Variants in TBC1D8 observed in about 807,000 individuals in gnomAD.
TBC1D8 encodes BUB2-like protein 1.
In TBC1D8, 65 loss-of-function variants were observed where a neutral mutation model predicts 118.8. The observed-to-expected ratio is 0.55, with a 90% CI of 0.45 to 0.67. TBC1D8 has a LOEUF of 0.67. TBC1D8 is among the 30% of genes least tolerant of loss of function. The probability of loss-of-function intolerance (pLI) is 0.00; values close to 1 mark genes in which losing one functional copy is unlikely to be tolerated. For missense variants in TBC1D8, 1,376 were observed against 1,471.2 expected (o/e 0.94, Z 1.06); for synonymous variants, 566 against 595.8 (o/e 0.95, Z 0.73).
intron 1 of TBC1D8, among the ~76,000 whole-genome samples, chr2:101,136,926 G>A (rs935584412): frequency 2.0e-5 from 3 of 152,108 alleles, no homozygotes; most frequent in African/African-American, 7.2e-5. Flanking sequence ...ATCTGAGGCT[G>A]CGCAATGCTC....
At chr2:101,065,046 G>T (rs947555073) in intron 2 of TBC1D8, among the ~76,000 whole-genome samples, 1 of 152,074 alleles carries the variant, frequency 6.6e-6, no homozygotes, top group Non-Finnish European at 1.5e-5. Context: ...TATTCTCTTA[G>T]GTTTTTCCCA....
intron 2 of TBC1D8, among the ~76,000 whole-genome samples, chr2:101,082,320 G>A (rs6543017): frequency 0.89 from 134,986 of 152,082 alleles, 60,146 homozygotes; most frequent in African/African-American, 0.95. Flanking sequence ...CATCAGATAC[G>A]TAGAAATGGC....
chr2:101,117,568 CTTTT>C (rs201852112), intron 1 of TBC1D8, among the ~76,000 whole-genome samples: 1 of 119,690 alleles, frequency 8.4e-6, no homozygotes, highest in Non-Finnish European at 1.7e-5. Context: ...GGAGGCAGAA[CTTTT>C]TTTTTTTTTT....
chr2:101,138,437 T>C (rs1381554331), intron 1 of TBC1D8, among the ~76,000 whole-genome samples: 2 of 152,166 alleles, frequency 1.3e-5, no homozygotes, highest in African/African-American at 2.4e-5. Context: ...TGACACTAAC[T>C]ACCTGGAATT....
chr2:101,095,524 T>C (rs1236271395), intron 1 of TBC1D8, among the ~76,000 whole-genome samples: 1 of 151,470 alleles, frequency 6.6e-6, no homozygotes, highest in Non-Finnish European at 1.5e-5. Context: ...GTCCTTGCGA[T>C]AGTTTGCTGA....
At position 101,021,838 on chromosome 2, in the gene TBC1D8, GTCA is replaced by G. The variant is rs1460641206; in HGVS notation, c.2762-95_2762-93del. On this transcript the variant is annotated intron_variant, in intron 16 of 19. Coordinates refer to ENST00000409318, the MANE Select transcript of TBC1D8 (RefSeq NM_001330348.2). ...CACTGTGGAGAGAACACTGGGGAAG[GTCA>G]ATACCTGCCACCCCCAACTCTCCTG... 5.0e-6 allele frequency: 4 copies of G among 799,738 alleles called. No individual in the cohort carries two copies. The East Asian group carries it at 1.1e-4, about 21-fold the overall frequency. 49.5% of individuals were successfully genotyped at this position (799,738 alleles called of 1,614,324 possible). A position where few individuals can be genotyped will look rare whatever the true frequency, so the allele number is the denominator to read the frequency against.
rs1431412772 is a variant in TBC1D8, at chr2:101,032,263, T to C, written c.1936+5A>G. The stretch of plus-strand genomic sequence containing the variant: ...TACACAGGAGGAGGAAGGGGGTCTG[T>C]TTACCGATCACTCGGTGGTTGAAGT... On this transcript the variant is annotated splice_donor_5th_base_variant and intron_variant, in intron 11 of 19. Coordinates refer to ENST00000409318, the MANE Select transcript of TBC1D8 (RefSeq NM_001330348.2). 1 of 1,612,678 alleles carries C rather than the reference T, an allele frequency of 6.2e-7. No individual in the cohort carries two copies. The highest frequency in any genetic ancestry group is 1.7e-5 in the Admixed American group (1 of 59,986).
At chr2:101,052,395 G>A (rs2278729) in intron 4 of TBC1D8, among the ~76,000 whole-genome samples, 37,434 of 152,056 alleles carry the variant, frequency 0.25, 5,569 homozygotes, top group Middle Eastern at 0.34. Context: ...ACATCTGGCG[G>A]CTTGCTGTCA....
Position 101,059,436 on chromosome 2 carries a change from G to A in TBC1D8, c.387C>T (p.Val129=), listed in dbSNP as rs1682633006. Residue 129 remains valine, a synonymous_variant, in exon 3 of 20, where the codon GTC becomes GTT. Transcript: ENST00000409318. ...GGGGACCTACCTTTACCTTCCCTTT[G>A]ACAAAACTGGCAATGTCATCTTTAT... The part of the protein sequence containing the change: ...FDNKDDIASF[V]KGKVKALIAE... The A allele has an allele frequency of 1.9e-6, 3 of 1,613,472 alleles. No homozygotes were observed. The African/African-American group carries it at 4.0e-5, about 22-fold the overall frequency.
intron 1 of TBC1D8, among the ~76,000 whole-genome samples, chr2:101,117,911 T>C (rs1296431397): frequency 7.7e-6 from 1 of 129,210 alleles, no homozygotes; most frequent in Non-Finnish European, 1.6e-5. Context: ...TTAAAAAGAG[T>C]GACCTCCTTC....
chr2:101,040,157 CAG>C lies in TBC1D8; in HGVS notation c.1080+19_1080+20del, dbSNP rs1267133160. The C allele has an allele frequency of 6.2e-6, 10 of 1,607,742 alleles. No homozygotes were observed. On this transcript the variant is annotated intron_variant, in intron 6 of 19. Transcript: ENST00000409318. ...AACAACAAAAGGCTGCTTCGGGAAGCAGACAGTAGGGCCAGTCTACCTCTCTG... is the reference window on the plus strand; with the variant it reads ...AACAACAAAAGGCTGCTTCGGGAAGCACAGTAGGGCCAGTCTACCTCTCTG...
At chr2:101,049,971 C>T (rs1047994057) in intron 5 of TBC1D8, among the ~76,000 whole-genome samples, 1 of 151,678 alleles carries the variant, frequency 6.6e-6, no homozygotes, top group Non-Finnish European at 1.5e-5. Flanking sequence ...GGACTACAGG[C>T]GCCTGCCACC....
At chr2:101,027,476 G>A (rs1406769142) in intron 14 of TBC1D8, 25 bp from the exon 15 acceptor site, 1 of 1,610,550 alleles carries the variant, frequency 6.2e-7, no homozygotes, top group East Asian at 2.2e-5. Flanking sequence ...AAACAGCAAT[G>A]GCGTGAAATC....
intron 1 of TBC1D8, among the ~76,000 whole-genome samples, chr2:101,106,636 C>T (rs900887195): frequency 6.6e-6 from 1 of 152,198 alleles, no homozygotes; most frequent in African/African-American, 2.4e-5. Context: ...TTCCACTTAA[C>T]GGTTTTTTGG....
chr2:101,113,038 CGTAT>C (rs2104213024), intron 1 of TBC1D8, among the ~76,000 whole-genome samples: 1 of 152,230 alleles, frequency 6.6e-6, no homozygotes, highest in East Asian at 1.9e-4. Flanking sequence ...GTCTGAATAA[CGTAT>C]CACTTTTGAC....
At chr2:101,129,297 C>T (rs115165824) in intron 1 of TBC1D8, among the ~76,000 whole-genome samples, 28,828 of 151,860 alleles carry the variant, frequency 0.19, 3,247 homozygotes, top group African/African-American at 0.3. Flanking sequence ...CACGCCACCA[C>T]ACCTGGCTAA....
At chr2:101,015,720 CAG>C (rs1462912480) in intron 17 of TBC1D8, among the ~76,000 whole-genome samples, 1 of 152,198 alleles carries the variant, frequency 6.6e-6, no homozygotes, top group East Asian at 1.9e-4. Context: ...GGTACCAAAA[CAG>C]AGATATAGAT....
chr2:101,061,161 C>T lies in TBC1D8; in HGVS notation c.284-1622G>A, dbSNP rs182027165. On this transcript the variant is annotated intron_variant, in intron 2 of 19. Transcript: ENST00000409318. The stretch of plus-strand genomic sequence containing the variant: ...CGAGATCACGCCATTGCAATCCAGC[C>T]TGGGTGACAGAGCAAGACTCTGTCT... 7.1e-3 allele frequency among the ~76,000 whole-genome samples: 895 copies of T among 125,914 alleles called. 8 individuals carry two copies. The highest frequency in any genetic ancestry group is 8.6e-3 in the Non-Finnish European group (546 of 63,840). The allele number at this position is 125,914 out of a possible 152,430, so 82.6% of individuals were successfully genotyped here.
intron 2 of TBC1D8, among the ~76,000 whole-genome samples, chr2:101,073,880 C>T (rs866351021): frequency 3.1e-4 from 47 of 152,222 alleles, no homozygotes; most frequent in African/African-American, 1.1e-3. Context: ...GATGTTGTGG[C>T]TTGTTTGGTC....
Sources: allele counts gnomAD v4.1 joint callset (sites outside exome capture counted in the v4.1 genomes callset), GRCh38; gene constraint gnomAD v4.1.1; transcripts MANE v1.5; gene names NCBI Gene and HGNC (gene_info 2026-07-23, HGNC 2026-07-21).